BAZ1A: variants seen among roughly 807,000 people sequenced by gnomAD.
BAZ1A encodes the protein bromodomain adjacent to zinc finger domain 1A, also known as bromodomain adjacent to zinc finger domain protein 1A.
Under a neutral mutation model 185.2 loss-of-function variants are expected in BAZ1A, and 50 were observed. The ratio of observed to expected loss-of-function variants is 0.27; its 90% confidence interval spans 0.22 to 0.34. The LOEUF (loss-of-function observed/expected upper bound fraction) is 0.34. Ranked by LOEUF, BAZ1A falls within the 10% of genes least tolerant of loss-of-function variation. The pLI, the probability that BAZ1A is intolerant of heterozygous loss-of-function variation, is 1.00. For missense variants in BAZ1A, 1,356 were observed against 1,839.9 expected (o/e 0.74, Z 4.81); for synonymous variants, 571 against 615.6 (o/e 0.93, Z 1.07).
intron 6 of BAZ1A, among the ~76,000 whole-genome samples, chr14:34,805,696 A>T (rs1312748822): frequency 1.3e-5 from 2 of 152,202 alleles, no homozygotes; most frequent in East Asian, 3.8e-4. Context: ...TTTTTAAAAA[A>T]TTATTTTTCA....
intron 10 of BAZ1A, 36 bp downstream of exon 10, chr14:34,795,634 C>A (rs767343026): frequency 7.7e-6 from 11 of 1,435,474 alleles, no homozygotes; most frequent in Admixed American, 2.1e-5. Context: ...ACATGTAAAA[C>A]CTATGTGTGC....
chr14:34,798,392 T>G (rs1348671863), intron 9 of BAZ1A, among the ~76,000 whole-genome samples: 1 of 152,236 alleles, frequency 6.6e-6, no homozygotes, highest in Non-Finnish European at 1.5e-5. Flanking sequence ...CCCTGACCCC[T>G]GTGCAGCCTA....
chr14:34,805,697 T>A (rs1173364741), intron 6 of BAZ1A, among the ~76,000 whole-genome samples: 1 of 152,224 alleles, frequency 6.6e-6, no homozygotes, highest in African/African-American at 2.4e-5. Context: ...TTTTAAAAAA[T>A]TATTTTTCAG....
chr14:34,773,677 TCATACCGTC>T lies in BAZ1A; in HGVS notation c.3038_3046del (p.Gly1013_Tyr1015del). ...TTCCTTGTTTTCCTCACTTAACAGC[TCATACCGTC>T]CACTTTCTAATGCTGATCTCCAGAT... On this transcript the variant is annotated inframe_deletion, in exon 20 of 27. Transcript: ENST00000360310. The T allele has an allele frequency of 6.2e-7, 1 of 1,613,732 alleles. No individual in the cohort carries two copies. Among genetic ancestry groups the T allele is most frequent in the Non-Finnish European group, 8.5e-7 (1 of 1,179,868 alleles).
At chr14:34,821,197 T>C (rs879738897) in intron 4 of BAZ1A, among the ~76,000 whole-genome samples, 2 of 152,218 alleles carry the variant, frequency 1.3e-5, no homozygotes, top group Non-Finnish European at 2.9e-5. Context: ...ACACTGCATA[T>C]ATCTTGTAGA....
intron 24 of BAZ1A, among the ~76,000 whole-genome samples, chr14:34,761,427 G>A (rs923257756): frequency 6.6e-6 from 1 of 152,126 alleles, no homozygotes; most frequent in African/African-American, 2.4e-5. Flanking sequence ...GAGTATTTGC[G>A]TTTTGAGGGA....
intron 5 of BAZ1A, among the ~76,000 whole-genome samples, chr14:34,809,062 A>G (rs934908864): frequency 6.6e-6 from 1 of 152,198 alleles, no homozygotes; most frequent in Non-Finnish European, 1.5e-5. Flanking sequence ...TATAACAATG[A>G]TTTACACTTC....
intron 11 of BAZ1A, among the ~76,000 whole-genome samples, chr14:34,793,181 A>G (rs1013764286): frequency 8.5e-5 from 13 of 152,358 alleles, no homozygotes; most frequent in East Asian, 5.8e-4. Flanking sequence ...TTTCATTTAA[A>G]TTTAAATTTA....
chr14:34,792,670 A>G, intron 12 of BAZ1A, 105 bp downstream of exon 12: 3 of 1,296,548 alleles, frequency 2.3e-6, no homozygotes, highest in African/African-American at 1.5e-5. Context: ...CTGAACAACT[A>G]TATTTTATAA....
chr14:34,845,105 T>C (rs2042487930), intron 3 of BAZ1A, among the ~76,000 whole-genome samples: 1 of 152,182 alleles, frequency 6.6e-6, no homozygotes. Context: ...GTTTTTAAAA[T>C]GTGCCAACTC....
chr14:34,841,203 TAAC>T (rs2042409366), intron 3 of BAZ1A, among the ~76,000 whole-genome samples: 1 of 152,092 alleles, frequency 6.6e-6, no homozygotes, highest in Non-Finnish European at 1.5e-5. Flanking sequence ...ACTGACTCAC[TAAC>T]TGGAAGGAGA....
chr14:34,867,800 A>G (rs1446440096), intron 2 of BAZ1A, among the ~76,000 whole-genome samples: 1 of 152,170 alleles, frequency 6.6e-6, no homozygotes, highest in Non-Finnish European at 1.5e-5. Context: ...CATCTCTAAC[A>G]TTACACACCT....
At chr14:34,863,284 C>A (rs936810641) in intron 2 of BAZ1A, among the ~76,000 whole-genome samples, 1 of 151,258 alleles carries the variant, frequency 6.6e-6, no homozygotes, top group Non-Finnish European at 1.5e-5. Context: ...CTGCCTCAGC[C>A]TCCTTAGTAG....
chr14:34,808,976 T>C (rs959799504), intron 5 of BAZ1A, among the ~76,000 whole-genome samples: 1 of 152,210 alleles, frequency 6.6e-6, no homozygotes, highest in African/African-American at 2.4e-5. Context: ...CAAAAGTATT[T>C]GGAGAAAATA....
chr14:34,807,004 T>C (rs1014973354), intron 6 of BAZ1A, among the ~76,000 whole-genome samples: 3 of 150,668 alleles, frequency 2.0e-5, no homozygotes, highest in Non-Finnish European at 4.4e-5. Flanking sequence ...GTATGTACAC[T>C]TTGGCCTCGT....
At chr14:34,809,446 C>T (rs2041897264) in intron 5 of BAZ1A, among the ~76,000 whole-genome samples, 2 of 152,144 alleles carry the variant, frequency 1.3e-5, no homozygotes, top group African/African-American at 4.8e-5. Context: ...TCAATAGTGA[C>T]ACATGGCTGT....
chr14:34,806,087 C>A (rs556572603), intron 6 of BAZ1A, among the ~76,000 whole-genome samples: 31 of 150,350 alleles, frequency 2.1e-4, no homozygotes, highest in African/African-American at 7.0e-4. Flanking sequence ...TTAGATTTAA[C>A]TTTATTATTC....
At chr14:34,805,169 CTG>C (rs1881789171) in intron 6 of BAZ1A, among the ~76,000 whole-genome samples, 1 of 152,176 alleles carries the variant, frequency 6.6e-6, no homozygotes, top group African/African-American at 2.4e-5. Flanking sequence ...AAGCAGAAGA[CTG>C]TACAGCCCAC....
chr14:34,799,456 C>G (rs906017850), intron 9 of BAZ1A, among the ~76,000 whole-genome samples: 3 of 152,112 alleles, frequency 2.0e-5, no homozygotes, highest in African/African-American at 7.2e-5. Flanking sequence ...TCCTCTAAGG[C>G]TACTTGTGAA....
Sources: gnomAD v4.1 joint callset for allele counts (sites outside exome capture counted in the v4.1 genomes callset) on GRCh38, gnomAD v4.1.1 for gene constraint, MANE v1.5 for transcripts, NCBI Gene and HGNC (gene_info 2026-07-23, HGNC 2026-07-21) for gene names.